Variants in SLC14A2 observed in about 807,000 individuals in gnomAD.
The protein encoded by SLC14A2 is solute carrier family 14 member 2.
In SLC14A2, 91 loss-of-function variants were observed where a neutral mutation model predicts 104.6. The observed-to-expected ratio is 0.87, with a 90% CI of 0.73 to 1.04. The LOEUF (loss-of-function observed/expected upper bound fraction) is 1.04. SLC14A2 is among the 50% of genes least tolerant of loss of function. The probability of loss-of-function intolerance (pLI) is 0.00; values close to 1 mark genes in which losing one functional copy is unlikely to be tolerated. For synonymous variants in SLC14A2, 476 were observed against 466.4 expected, an observed-to-expected ratio of 1.02 and a Z score of -0.27; for missense variants, 1,189 against 1,156.0, an observed-to-expected ratio of 1.03 and a Z score of -0.41.
chr18:45,369,517 T>A (rs182835111), intron 1 of SLC14A2, among the ~76,000 whole-genome samples: 1 of 152,260 alleles, frequency 6.6e-6, no homozygotes, highest in East Asian at 1.9e-4. Context: ...TATGGTTGGG[T>A]TGACTGAAGA....
At chr18:45,588,771 GGTTTA>G (rs1298953727) in intron 2 of SLC14A2, among the ~76,000 whole-genome samples, 15 of 152,146 alleles carry the variant, frequency 9.9e-5, no homozygotes, top group Non-Finnish European at 1.8e-4. Flanking sequence ...GCCCAGAGGT[GGTTTA>G]GCCTCACTTC....
intron 2 of SLC14A2, chr18:45,507,224 T>C (rs1231251818): frequency 1.3e-5 from 2 of 152,204 alleles, no homozygotes; most frequent in South Asian, 4.1e-4. Flanking sequence ...TCAGGGAAGG[T>C]CCTAGGGGAG....
rs1476361043 is a variant in SLC14A2, at chr18:45,637,334, C to A, written c.843+152C>A. ...GCAGGGTATCAGAAAGGGTTGCTGC[C>A]ACATCCATAGATCCTTTCAACAGTA... is the stretch of plus-strand genomic sequence containing the variant. On this transcript the variant is annotated intron_variant, in intron 6 of 19. Coordinates refer to ENST00000255226, the MANE Select transcript of SLC14A2 (RefSeq NM_007163.4). The A allele has an allele frequency of 1.9e-5, 12 of 617,022 alleles. No individual in the cohort carries two copies. The East Asian group carries it at 3.3e-4, about 17-fold the overall frequency. The allele number at this position is 617,022 out of a possible 1,614,324, so 38.2% of individuals were successfully genotyped here.
intron 10 of SLC14A2, chr18:45,646,585 G>C (rs1483207308): frequency 6.6e-6 from 1 of 152,166 alleles, no homozygotes; most frequent in Non-Finnish European, 1.5e-5. Context: ...CCCAGGAGAG[G>C]AAAACTATTT....
intron 1 of SLC14A2, among the ~76,000 whole-genome samples, chr18:45,233,731 G>T (rs1211552311): frequency 2.6e-5 from 4 of 151,646 alleles, no homozygotes; most frequent in African/African-American, 9.7e-5. Flanking sequence ...ATTCCAAAGT[G>T]CTCATCACTT....
At chr18:45,238,170 G>A (rs1045501556) in intron 1 of SLC14A2, among the ~76,000 whole-genome samples, 2 of 152,198 alleles carry the variant, frequency 1.3e-5, no homozygotes, top group African/African-American at 4.8e-5. Context: ...CCTAGCAGAT[G>A]GTTATGGTCT....
chr18:45,418,844 G>GA lies in SLC14A2; in HGVS notation c.-124-64381dup, dbSNP rs565332605. 2.7e-4 allele frequency among the ~76,000 whole-genome samples: 41 copies of GA among 151,766 alleles called. No individual in the cohort carries two copies. The East Asian group carries it at 5.8e-3, about 21-fold the overall frequency. ...AGCTTTCTCTTATTTTCCTTCTGAG[G>GA]AAAAAAAAGGCATCTCCATTTTGGT... On this transcript the variant is annotated intron_variant, in intron 1 of 20. Transcript: ENST00000586448.
intron 6 of SLC14A2, 80 bp downstream of exon 6, chr18:45,637,262 A>G (rs576797004): frequency 1.8e-5 from 21 of 1,171,544 alleles, no homozygotes; most frequent in Non-Finnish European, 2.5e-5. Flanking sequence ...TGGACTATCC[A>G]TGCTCTCAAC....
chr18:45,632,300 C>G, intron 4 of SLC14A2, 50 bp from the exon 5 acceptor site: 1 of 1,590,062 alleles, frequency 6.3e-7, no homozygotes, highest in Middle Eastern at 1.7e-4. Flanking sequence ...AGGGAGGGGC[C>G]CAGTAACACC....
chr18:45,252,215 AG>A (rs979070327), intron 1 of SLC14A2, among the ~76,000 whole-genome samples: 3 of 152,200 alleles, frequency 2.0e-5, no homozygotes, highest in African/African-American at 4.8e-5. Context: ...TTCATGAAAA[AG>A]CCCAGGAATC....
At chr18:45,383,629 C>T in intron 1 of SLC14A2, among the ~76,000 whole-genome samples, 1 of 152,170 alleles carries the variant, frequency 6.6e-6, no homozygotes, top group Non-Finnish European at 1.5e-5. Flanking sequence ...TCTCCCTTGT[C>T]TCCTGGGGTT....
chr18:45,435,434 A>G (rs867078164), intron 1 of SLC14A2: 1 of 152,232 alleles, frequency 6.6e-6, no homozygotes, highest in African/African-American at 2.4e-5. Flanking sequence ...AAATCTGTGC[A>G]TGAAAAATGA....
chr18:45,228,720 G>T lies in SLC14A2; in HGVS notation c.-125+15529G>T, dbSNP rs988361358. Reference sequence around the variant, plus strand: ...TTGAACTCTTCCCTGGCATCAGATAGTCTTTCACCCTCATCATATCCTGAT... The same window carrying T: ...TTGAACTCTTCCCTGGCATCAGATATTCTTTCACCCTCATCATATCCTGAT... On this transcript the variant is annotated intron_variant, in intron 1 of 20. Coordinates refer to the SLC14A2 transcript ENST00000586448. Among the ~76,000 whole-genome samples, 7 of 152,264 alleles carry T rather than the reference G, an allele frequency of 4.6e-5. No homozygotes were observed. In the South Asian group the frequency reaches 1.2e-3, roughly 27 times the overall value.
At chr18:45,453,955 G>A (rs759092268) in intron 1 of SLC14A2, among the ~76,000 whole-genome samples, 7 of 145,662 alleles carry the variant, frequency 4.8e-5, no homozygotes, top group Non-Finnish European at 7.4e-5. Context: ...TGCCTCCCGG[G>A]TTCAAGCGAT....
intron 1 of SLC14A2, among the ~76,000 whole-genome samples, chr18:45,409,540 A>G (rs1023886946): frequency 6.6e-6 from 1 of 152,222 alleles, no homozygotes; most frequent in Non-Finnish European, 1.5e-5. Flanking sequence ...TATAACTTTG[A>G]TAGTGAAAAT....
At chr18:45,406,711 C>T (rs78859430) in intron 1 of SLC14A2, among the ~76,000 whole-genome samples, 4,429 of 152,294 alleles carry the variant, frequency 0.029, 224 homozygotes, top group African/African-American at 0.1. Context: ...TCCATCCCTA[C>T]TAACACAACA....
At chr18:45,582,943 G>A (rs2044516854) in intron 2 of SLC14A2, among the ~76,000 whole-genome samples, 1 of 152,160 alleles carries the variant, frequency 6.6e-6, no homozygotes, top group Admixed American at 6.5e-5. Context: ...TCCAGGTACA[G>A]TCTGATCTCC....
intron 1 of SLC14A2, among the ~76,000 whole-genome samples, chr18:45,243,841 A>G (rs890842239): frequency 6.6e-6 from 1 of 152,156 alleles, no homozygotes; most frequent in Admixed American, 6.5e-5. Flanking sequence ...CTGTTCTGTT[A>G]CTGTGCTCAC....
intron 2 of SLC14A2, among the ~76,000 whole-genome samples, chr18:45,542,552 TTA>T (rs1478461678): frequency 6.6e-6 from 1 of 152,170 alleles, no homozygotes; most frequent in Non-Finnish European, 1.5e-5. Context: ...GTATCTTGTT[TTA>T]TATAAGAAAA....
Sources: gnomAD v4.1 joint callset for allele counts (sites outside exome capture counted in the v4.1 genomes callset) on GRCh38, gnomAD v4.1.1 for gene constraint, MANE v1.5 for transcripts, NCBI Gene and HGNC (gene_info 2026-07-23, HGNC 2026-07-21) for gene names.